Variants in ADSS1 observed in about 807,000 individuals in gnomAD.
The protein encoded by ADSS1 is adenylosuccinate synthase 1, also known as adenylosuccinate synthetase isozyme 1.
A neutral mutation model predicts 59.1 loss-of-function variants in ADSS1; 57 were observed. The ratio of observed to expected loss-of-function variants is 0.97; its 90% CI spans 0.78 to 1.20. The LOEUF is 1.20. Ranked by LOEUF, ADSS1 falls within the 50% of genes most tolerant of loss-of-function variation. The pLI, the probability that ADSS1 is intolerant of heterozygous loss-of-function variation, is 0.00. For missense variants in ADSS1, 603 were observed against 610.3 expected (o/e 0.99, Z 0.13); for synonymous variants, 247 against 249.4 (o/e 0.99, Z 0.09).
At chr14:104,741,588 C>T (rs1345307877) in intron 8 of ADSS1, among the ~76,000 whole-genome samples, 3 of 152,202 alleles carry the variant, frequency 2.0e-5, no homozygotes, top group Admixed American at 6.5e-5. Flanking sequence ...CCCTCACCCC[C>T]GAGGCGGCCT....
chr14:104,735,681 C>T (rs572635620), intron 2 of ADSS1, among the ~76,000 whole-genome samples: 184 of 152,300 alleles, frequency 1.2e-3, no homozygotes, highest in African/African-American at 4.2e-3. Context: ...TCCACATCGC[C>T]TGCCCCCTCC....
intron 2 of ADSS1, 52 bp downstream of exon 2, chr14:104,735,174 GCCC>G: frequency 6.6e-7 from 1 of 1,511,352 alleles, no homozygotes; most frequent in Non-Finnish European, 9.0e-7. Flanking sequence ...GTGTCAGCCA[GCCC>G]AGGAGCCCCA....
chr14:104,745,006 G>C, intron 11 of ADSS1, 97 bp downstream of exon 11: 1 of 1,054,944 alleles, frequency 9.5e-7, no homozygotes, highest in Non-Finnish European at 1.4e-6. Context: ...GAGTTCCCAC[G>C]TTCACAGGAC....
At chr14:104,733,408 A>G (rs1403219452) in intron 1 of ADSS1, among the ~76,000 whole-genome samples, 2 of 152,140 alleles carry the variant, frequency 1.3e-5, no homozygotes, top group African/African-American at 4.8e-5. Context: ...CCTGCCTGGC[A>G]TCTCTGGATC....
chr14:104,747,145 G>T lies in ADSS1; in HGVS notation c.*142G>T, dbSNP rs1891595724. The T allele has an allele frequency of 1.4e-6, 1 of 692,130 alleles. No homozygotes were observed. The highest frequency in any genetic ancestry group is 2.3e-6 in the Non-Finnish European group (1 of 440,658). 42.9% of individuals were successfully genotyped at this position (692,130 alleles called of 1,614,324 possible). A position where few individuals can be genotyped will look rare whatever the true frequency, so the allele number is the denominator to read the frequency against. The stretch of plus-strand genomic sequence containing the variant: ...CTTTTATATTTCTGTTCAACCTGTT[G>T]GTTTCTACAATGATTTTAAACATTG... On this transcript the variant is annotated 3_prime_UTR_variant, in exon 13 of 13. Transcript: ENST00000330877.
chr14:104,732,919 G>A (rs2140768574), intron 1 of ADSS1, among the ~76,000 whole-genome samples: 1 of 152,322 alleles, frequency 6.6e-6, no homozygotes, highest in Middle Eastern at 3.4e-3. Flanking sequence ...GTCTCCAGGA[G>A]GGTGCTGTGA....
At chr14:104,738,564 G>A in intron 3 of ADSS1, 126 bp downstream of exon 3, 1 of 1,078,352 alleles carries the variant, frequency 9.3e-7, no homozygotes. Context: ...CAACATAGCT[G>A]GCCCAGCTCA....
chr14:104,742,087 G>GC, intron 9 of ADSS1, 85 bp downstream of exon 9: 1 of 1,542,098 alleles, frequency 6.5e-7, no homozygotes. Flanking sequence ...GTGCCAGGGT[G>GC]GAGGCTCTGC....
chr14:104,729,280 C>CAGAT (rs1391372629), intron 1 of ADSS1, among the ~76,000 whole-genome samples: 1 of 152,148 alleles, frequency 6.6e-6, no homozygotes, highest in African/African-American at 2.4e-5. Flanking sequence ...CCAAGCCAGG[C>CAGAT]AGATGGCAGG....
In ADSS1 at chr14:104,739,737, GC is replaced by G. The variant is rs781694223; in HGVS notation, c.410-10del. ...TCCTGTCTCCTGCTGCCCTCACCTG[GC>G]CCGCCCGACAGTGTTTGATTTTCAC... is the stretch of plus-strand genomic sequence containing the variant. On this transcript the variant is annotated splice_polypyrimidine_tract_variant and intron_variant, in intron 4 of 12. Coordinates refer to ENST00000330877, the MANE Select transcript of ADSS1 (RefSeq NM_152328.5). 8.1e-6 allele frequency: 13 copies of G among 1,613,716 alleles called. No individual in the cohort carries two copies. The highest frequency in any genetic ancestry group is 1.1e-5 in the South Asian group (1 of 91,048).
intron 1 of ADSS1, among the ~76,000 whole-genome samples, chr14:104,732,107 G>C (rs1410062505): frequency 1.3e-5 from 2 of 152,292 alleles, no homozygotes; most frequent in East Asian, 1.9e-4. Flanking sequence ...AGGAGGCGAG[G>C]CTGGCCCTGA....
chr14:104,737,562 G>C (rs1461230564), intron 2 of ADSS1: 2 of 152,206 alleles, frequency 1.3e-5, no homozygotes, highest in African/African-American at 4.8e-5. Flanking sequence ...GTTTCTGCAG[G>C]GACATCAATT....
intron 2 of ADSS1, among the ~76,000 whole-genome samples, chr14:104,736,913 T>TATATATATATATAG (rs1891155668): frequency 7.0e-6 from 1 of 141,990 alleles, no homozygotes. Flanking sequence ...TATATATATA[T>TATATATATATATAG]GCATTTTTTT....
Position 104,740,984 on chromosome 14 carries a change from C to T in ADSS1, c.666+64C>T, listed in dbSNP as rs1595209635. 1.9e-6 allele frequency: 3 copies of T among 1,610,252 alleles called. No individual in the cohort carries two copies. The African/African-American group carries it at 4.0e-5, about 21-fold the overall frequency. On this transcript the variant is annotated intron_variant, in intron 7 of 12. Transcript: ENST00000330877. This position sits in a 1 kb window ranked among gnomAD's most constrained non-coding sequence, Gnocchi z 4.8. ...TCCTCCAGGGAGGCTGGATGTCCTA[C>T]CTGGTGCTCGTTGAACACCCTTGGG... is the stretch of plus-strand genomic sequence containing the variant.
chr14:104,743,091 CGCGGCCACGAGTGGGGA>C lies in ADSS1; in HGVS notation c.975_991del (p.Gly326AspfsTer41). On this transcript the variant is annotated frameshift_variant, in exon 10 of 13. Transcript: ENST00000330877. LOFTEE classifies it high-confidence loss of function. ...GGAGATTGGAGGCCTGCTGCAGACCCGCGGCCACGAGTGGGGAGTGACCACAGGCAGGAAGAGGCGCT... is the reference window on the plus strand; with the variant it reads ...GGAGATTGGAGGCCTGCTGCAGACCCGTGACCACAGGCAGGAAGAGGCGCT... 1.2e-6 allele frequency: 2 copies of C among 1,613,072 alleles called. No individual in the cohort carries two copies. Among genetic ancestry groups the C allele is most frequent in the Non-Finnish European group, 1.7e-6 (2 of 1,179,992 alleles).
At chr14:104,737,551 G>A (rs1440650539) in intron 2 of ADSS1, 1 of 152,234 alleles carries the variant, frequency 6.6e-6, no homozygotes, top group African/African-American at 2.4e-5. Context: ...TCTACGCGCA[G>A]GTTTCTGCAG....
Position 104,729,792 on chromosome 14 carries a change from G to A in ADSS1, c.193-5228G>A, listed in dbSNP as rs866508015. On this transcript the variant is annotated intron_variant, in intron 1 of 12. Transcript: ENST00000330877. ...TGGGGAGGAGCGTGGCGTCGGCGTC[G>A]TGGGGAGGAGCGTGGCGTCGGCGTC... The A allele has an allele frequency of 1.1e-3, 392 of 370,524 alleles. 2 individuals carry two copies. The African/African-American group carries it at 0.015, about 15-fold the overall frequency. The allele number at this position is 370,524 out of a possible 1,614,324, so 23.0% of individuals were successfully genotyped here. A position where few individuals can be genotyped will look rare whatever the true frequency, so the allele number is the denominator to read the frequency against.
chr14:104,740,549 G>A lies in ADSS1; in HGVS notation c.477-52G>A. Reference sequence around the variant, plus strand: ...GGGTCATGGCCTCAGTGGGATGCCTGAGCTCCTCAGGGCTCCTGGGTTCTC... The same window carrying A: ...GGGTCATGGCCTCAGTGGGATGCCTAAGCTCCTCAGGGCTCCTGGGTTCTC... On this transcript the variant is annotated intron_variant, in intron 5 of 12. Coordinates refer to ENST00000330877, the MANE Select transcript of ADSS1 (RefSeq NM_152328.5). The surrounding 1 kb of genome is among the most constrained non-coding windows in gnomAD (Gnocchi z 4.8). 6.4e-7 allele frequency: 1 copy of A among 1,559,030 alleles called. No homozygotes were observed. Among genetic ancestry groups the A allele is most frequent in the Non-Finnish European group, 8.8e-7 (1 of 1,137,926 alleles).
intron 2 of ADSS1, among the ~76,000 whole-genome samples, chr14:104,736,711 T>G (rs960425664): frequency 6.6e-6 from 1 of 151,650 alleles, no homozygotes; most frequent in South Asian, 2.1e-4. Context: ...TGTATTTGTG[T>G]TTTTTTGTTT....
Sources: gnomAD v4.1 joint callset for allele counts (sites outside exome capture counted in the v4.1 genomes callset) on GRCh38, gnomAD v4.1.1 for gene constraint, Gnocchi (gnomAD v3.1) non-coding constraint, MANE v1.5 for transcripts, NCBI Gene and HGNC (gene_info 2026-07-23, HGNC 2026-07-21) for gene names.